Variants in DAB1 observed in about 807,000 individuals in gnomAD.
DAB1 encodes the protein disabled homolog 1.
Under a neutral mutation model 64.6 loss-of-function variants are expected in DAB1, and 15 were observed. The observed-to-expected ratio is 0.23, with a 90% CI of 0.16 to 0.36. The LOEUF is 0.36. Among genes scored for constraint, DAB1 ranks in the 10% least tolerant of loss-of-function variants. DAB1 has a pLI of 1.00. For missense variants in DAB1, 596 were observed against 706.7 expected (o/e 0.84, Z 1.78); for synonymous variants, 235 against 251.9 (o/e 0.93, Z 0.64).
At chr1:57,584,021 C>T (rs541394221) in intron 7 of DAB1, among the ~76,000 whole-genome samples, 32 of 152,298 alleles carry the variant, frequency 2.1e-4, no homozygotes, top group Admixed American at 3.9e-4. Flanking sequence ...GGACGAACTG[C>T]AACCTAGCTT....
chr1:58,537,553 T>C (rs17117714), intron 1 of DAB1, among the ~76,000 whole-genome samples: 2,809 of 152,294 alleles, frequency 0.018, 55 homozygotes, highest in East Asian at 0.12. Context: ...CTCTGCCACT[T>C]AGCAGTGTTC....
chr1:58,104,001 T>C (rs1303424931), intron 5 of DAB1, among the ~76,000 whole-genome samples: 1 of 152,228 alleles, frequency 6.6e-6, no homozygotes. Flanking sequence ...CTTCAGATCC[T>C]TTGAAGAATC....
At chr1:58,147,044 C>T (rs74987352) in intron 5 of DAB1, among the ~76,000 whole-genome samples, 22,215 of 152,008 alleles carry the variant, frequency 0.15, 2,161 homozygotes, top group East Asian at 0.37. Flanking sequence ...CAGTGGCTCA[C>T]GCCTGTAATC....
rs537042719 is a variant in DAB1 at position 57,787,310 on chromosome 1, T to C, written n.551+96689A>G. On this transcript the variant is annotated intron_variant and non_coding_transcript_variant, in intron 6 of 20. Transcript: ENST00000485760. ...CAAAGCAGTGCAAAGAGTGTGGCAT[T>C]GCCATATAAATAGACAAATACATAA... Among the ~76,000 whole-genome samples the C allele has an allele frequency of 2.0e-3, 301 of 152,246 alleles. 2 individuals carry two copies. The highest frequency in any genetic ancestry group is 7.0e-3 in the African/African-American group (291 of 41,566).
At position 57,701,100 on chromosome 1, in the gene DAB1, T is replaced by C. The variant is rs901508224; in HGVS notation, n.552-51435A>G. On this transcript the variant is annotated intron_variant and non_coding_transcript_variant, in intron 6 of 20. Transcript: ENST00000485760. ...GAGAAACAGGAACACTTTTACACTG[T>C]TGGTGGGACTGTAAACTAGTTCAAC... is the stretch of plus-strand genomic sequence containing the variant. 2.6e-5 allele frequency among the ~76,000 whole-genome samples: 4 copies of C among 152,116 alleles called. No homozygotes were observed. In the East Asian group the frequency reaches 7.7e-4, roughly 29 times the overall value.
At chr1:58,257,761 A>G (rs1660964733) in intron 4 of DAB1, among the ~76,000 whole-genome samples, 1 of 152,208 alleles carries the variant, frequency 6.6e-6, no homozygotes, top group Non-Finnish European at 1.5e-5. Context: ...TTAGCCATCT[A>G]ATTTTACAGC....
At chr1:57,611,809 T>C (rs1333975193) in intron 7 of DAB1, among the ~76,000 whole-genome samples, 6 of 152,216 alleles carry the variant, frequency 3.9e-5, no homozygotes, top group South Asian at 2.1e-4. Context: ...CCTAAAGGAA[T>C]AGTATTTTTG....
chr1:57,094,964 C>T (rs1418872787), intron 4 of DAB1, among the ~76,000 whole-genome samples: 1 of 152,162 alleles, frequency 6.6e-6, no homozygotes, highest in Non-Finnish European at 1.5e-5. Flanking sequence ...TTGTACTCTG[C>T]AACCTCATTC....
intron 3 of DAB1, among the ~76,000 whole-genome samples, chr1:58,463,216 G>C (rs72669879): frequency 6.6e-6 from 1 of 152,186 alleles, no homozygotes. Flanking sequence ...ATTTAATTAC[G>C]TTGAGCCTTA....
chr1:58,316,604 G>A (rs1044000360), intron 4 of DAB1, among the ~76,000 whole-genome samples: 2 of 152,086 alleles, frequency 1.3e-5, no homozygotes, highest in African/African-American at 4.8e-5. Context: ...GAGAAGAGGG[G>A]GATGCTGATC....
intron 7 of DAB1, among the ~76,000 whole-genome samples, chr1:57,557,171 C>T (rs1420082119): frequency 6.6e-6 from 1 of 152,078 alleles, no homozygotes; most frequent in African/African-American, 2.4e-5. Flanking sequence ...TCTGGGTGGG[C>T]ACAATCTGAT....
intron 7 of DAB1, among the ~76,000 whole-genome samples, chr1:57,632,657 T>C (rs1481997933): frequency 6.6e-6 from 1 of 152,058 alleles, no homozygotes; most frequent in Non-Finnish European, 1.5e-5. Flanking sequence ...GAAGGGAAAC[T>C]CAGGAGAATG....
chr1:57,648,868 G>C (rs1646224474), intron 7 of DAB1, among the ~76,000 whole-genome samples: 1 of 152,180 alleles, frequency 6.6e-6, no homozygotes, highest in Non-Finnish European at 1.5e-5. Flanking sequence ...CTAATAGGCA[G>C]TGCTGCTAAT....
intron 1 of DAB1, among the ~76,000 whole-genome samples, chr1:57,365,240 A>C (rs1679888178): frequency 7.0e-6 from 1 of 142,422 alleles, no homozygotes; most frequent in African/African-American, 2.5e-5. Context: ...AAAATATATA[A>C]ACATATTTAT....
intron 7 of DAB1, among the ~76,000 whole-genome samples, chr1:57,510,623 C>T (rs1460954123): frequency 2.0e-5 from 3 of 152,046 alleles, no homozygotes; most frequent in Admixed American, 6.6e-5. Flanking sequence ...ACACCAGTTC[C>T]TCTCCCACTC....
chr1:58,510,693 T>A (rs140240891), intron 2 of DAB1, among the ~76,000 whole-genome samples: 7 of 152,070 alleles, frequency 4.6e-5, no homozygotes, highest in African/African-American at 1.4e-4. Flanking sequence ...GATTTGCAGA[T>A]GATATGATCT....
At chr1:57,034,211 C>T (rs562535878) in intron 9 of DAB1, among the ~76,000 whole-genome samples, 11 of 144,246 alleles carry the variant, frequency 7.6e-5, no homozygotes, top group East Asian at 4.1e-4. Context: ...ATCCAGGAGG[C>T]GGAGGTTGCA....
intron 6 of DAB1, among the ~76,000 whole-genome samples, chr1:57,666,955 G>GA (rs1646456164): frequency 6.6e-6 from 1 of 152,028 alleles, no homozygotes; most frequent in African/African-American, 2.4e-5. Context: ...ATCATGGCTA[G>GA]AAAACGCCTA....
At chr1:58,228,341 C>T (rs1405975409) in intron 4 of DAB1, among the ~76,000 whole-genome samples, 1 of 152,122 alleles carries the variant, frequency 6.6e-6, no homozygotes, top group Non-Finnish European at 1.5e-5. Flanking sequence ...TTTCTATATT[C>T]ACATAAAGAA....
Sources: gnomAD v4.1 joint callset for allele counts (sites outside exome capture counted in the v4.1 genomes callset) on GRCh38, gnomAD v4.1.1 for gene constraint, MANE v1.5 for transcripts, NCBI Gene and HGNC (gene_info 2026-07-23, HGNC 2026-07-21) for gene names.